CCDC85C: variants seen among roughly 807,000 people sequenced by gnomAD.
CCDC85C encodes coiled-coil domain-containing protein 85C.
CCDC85C carries 18 observed loss-of-function variants against 38.3 expected under a neutral mutation model. The ratio of observed to expected loss-of-function variants is 0.47; its 90% CI spans 0.33 to 0.70. The LOEUF (loss-of-function observed/expected upper bound fraction) is 0.70, where lower values mean the gene tolerates loss of function less well. Among genes scored for constraint, CCDC85C ranks in the 30% least tolerant of loss-of-function variants. The pLI is 0.03. For missense variants in CCDC85C, 566 were observed against 621.2 expected, an observed-to-expected ratio of 0.91 and a Z score of 0.94; for synonymous variants, 264 against 293.8, an observed-to-expected ratio of 0.90 and a Z score of 1.04.
At chr14:99,552,504 C>T (rs1897930365) in intron 1 of CCDC85C, among the ~76,000 whole-genome samples, 1 of 152,216 alleles carries the variant, frequency 6.6e-6, no homozygotes, top group African/African-American at 2.4e-5. Flanking sequence ...TCAGTGTCCC[C>T]TCAGTCCGGT....
chr14:99,573,301 C>T (rs1036256053), intron 1 of CCDC85C, among the ~76,000 whole-genome samples: 2 of 152,204 alleles, frequency 1.3e-5, no homozygotes, highest in African/African-American at 4.8e-5. Context: ...GGAGCCGGCT[C>T]TGCCTGGTGC....
rs1318489158 is a variant in CCDC85C at position 99,504,016 on chromosome 14, G to A, written c.*11230C>T. ...AAGCCACAGCAGATGCGGGGGGGCA[G>A]TAGGGGGTGGTGTGCTGCCCGGACA... On this transcript the variant is annotated 3_prime_UTR_variant, in exon 6 of 6. Transcript: ENST00000380243. 3 of 362,556 alleles carry A rather than the reference G, an allele frequency of 8.3e-6. No homozygotes were observed. The highest frequency in any genetic ancestry group is 1.1e-5 in the Non-Finnish European group (2 of 186,646). 22.5% of individuals were successfully genotyped at this position (362,556 alleles called of 1,614,324 possible).
chr14:99,560,286 AG>A (rs1898092409), intron 1 of CCDC85C, among the ~76,000 whole-genome samples: 1 of 152,158 alleles, frequency 6.6e-6, no homozygotes, highest in Admixed American at 6.5e-5. Context: ...GGTAGGGTGA[AG>A]GGGCAGCCAG....
intron 1 of CCDC85C, among the ~76,000 whole-genome samples, chr14:99,570,606 C>T (rs1898318242): frequency 6.6e-6 from 1 of 152,082 alleles, no homozygotes; most frequent in Non-Finnish European, 1.5e-5. Context: ...GGGATATAAC[C>T]TTCCAGGCCA....
rs950277101 is a variant in CCDC85C, at chr14:99,522,165, G to A, written c.943C>T (p.Leu315=). 5 of 1,551,022 alleles carry A rather than the reference G, an allele frequency of 3.2e-6. No individual in the cohort carries two copies. The African/African-American group carries it at 5.5e-5, about 17-fold the overall frequency. Residue 315 remains leucine (L), a synonymous_variant, in exon 3 of 6, where the codon CTG becomes TTG. Coordinates refer to ENST00000380243, the MANE Select transcript of CCDC85C (RefSeq NM_001144995.2). ...AGGGAGTCCTGGTAGGAGGGCGGCAGGGACGCAAGCTGGGACTCCGAGTGG... is the reference window on the plus strand; with the variant it reads ...AGGGAGTCCTGGTAGGAGGGCGGCAAGGACGCAAGCTGGGACTCCGAGTGG... ...PYHSESQLAS[L]PPSYQDSLQN...
intron 1 of CCDC85C, among the ~76,000 whole-genome samples, chr14:99,559,380 C>A (rs147584590): frequency 1.3e-4 from 20 of 152,262 alleles, no homozygotes; most frequent in Non-Finnish European, 2.6e-4. Context: ...CATAATGTGG[C>A]CATTCGTGGT....
chr14:99,583,669 A>G (rs111562913), intron 1 of CCDC85C, among the ~76,000 whole-genome samples: 10,773 of 151,582 alleles, frequency 0.071, 603 homozygotes, highest in South Asian at 0.15. Context: ...TTAGCCGGGC[A>G]TGGTGACAGA....
At chr14:99,531,473 T>G (rs1252909211) in intron 2 of CCDC85C, among the ~76,000 whole-genome samples, 2 of 151,834 alleles carry the variant, frequency 1.3e-5, no homozygotes, top group Admixed American at 6.6e-5. Flanking sequence ...GATGAAATTT[T>G]AAAGCCAACA....
chr14:99,517,314 G>A (rs71418640), intron 3 of CCDC85C, 131 bp from the exon 4 acceptor site: 4 of 694,646 alleles, frequency 5.8e-6, no homozygotes, highest in African/African-American at 5.4e-5. Context: ...GGGTGAGGCA[G>A]AGGAGGCAGG....
chr14:99,507,459 G>A lies in CCDC85C; in HGVS notation c.*7787C>T, dbSNP rs1897003815. On this transcript the variant is annotated 3_prime_UTR_variant, in exon 6 of 6. Coordinates refer to ENST00000380243, the MANE Select transcript of CCDC85C (RefSeq NM_001144995.2). ...ACACACCTGTAGTCCCAACTACTTA[G>A]GAGTCTGAGATGGGAAGATCATTTG... The A allele has an allele frequency of 3.0e-6, 1 of 332,728 alleles. No individual in the cohort carries two copies. The highest frequency in any genetic ancestry group is 2.1e-5 in the African/African-American group (1 of 47,652). 20.6% of individuals were successfully genotyped at this position (332,728 alleles called of 1,614,324 possible). A position where few individuals can be genotyped will look rare whatever the true frequency, so the allele number is the denominator to read the frequency against.
In CCDC85C at chr14:99,562,306, T is replaced by C. The variant is rs1449004534; in HGVS notation, c.794-26218A>G. Among the ~76,000 whole-genome samples the C allele has an allele frequency of 2.6e-5, 4 of 152,276 alleles. No homozygotes were observed. The East Asian group carries it at 7.7e-4, about 29-fold the overall frequency. On this transcript the variant is annotated intron_variant, in intron 1 of 5. Transcript: ENST00000380243. The stretch of plus-strand genomic sequence containing the variant: ...CCTTGGCTCCTGCCCCTCCCTCCTC[T>C]GGCACCCCTGAGGGCAGTGGCCAGC...
intron 1 of CCDC85C, among the ~76,000 whole-genome samples, chr14:99,599,557 C>A (rs1346687180): frequency 6.6e-6 from 1 of 152,120 alleles, no homozygotes; most frequent in Non-Finnish European, 1.5e-5. Flanking sequence ...AACGCACAGC[C>A]CAGTCCCAAG....
chr14:99,587,697 G>A (rs903293102), intron 1 of CCDC85C, among the ~76,000 whole-genome samples: 1 of 152,192 alleles, frequency 6.6e-6, no homozygotes, highest in African/African-American at 2.4e-5. Context: ...CGCATCTCAG[G>A]AGGCAGGCCG....
At chr14:99,579,200 C>T (rs373770029) in intron 1 of CCDC85C, among the ~76,000 whole-genome samples, 135 of 152,356 alleles carry the variant, frequency 8.9e-4, no homozygotes, top group African/African-American at 3.0e-3. Context: ...CATGAAATGA[C>T]GTCAGGGAAA....
At position 99,511,509 on chromosome 14, in the gene CCDC85C, G is replaced by GAAACT. The variant is rs1220488048; in HGVS notation, c.*3732_*3736dup. 6 of 152,570 alleles carry GAAACT rather than the reference G, an allele frequency of 3.9e-5. No individual in the cohort carries two copies. Among genetic ancestry groups the GAAACT allele is most frequent in the Non-Finnish European group, 8.8e-5 (6 of 68,048 alleles). 9.5% of individuals were successfully genotyped at this position (152,570 alleles called of 1,614,324 possible). On this transcript the variant is annotated 3_prime_UTR_variant, in exon 6 of 6. Coordinates refer to ENST00000380243, the MANE Select transcript of CCDC85C (RefSeq NM_001144995.2). ...CAGTTATCCAAATAAAAGCAGTTCT[G>GAAACT]AAACTATCCCTTTCTTTGTTATGGG...
At position 99,522,184 on chromosome 14, in the gene CCDC85C, C is replaced by A. The variant is rs1490779625; in HGVS notation, c.924G>T (p.Ser308=). 1.3e-6 allele frequency: 2 copies of A among 1,550,842 alleles called. No homozygotes were observed. Among genetic ancestry groups the A allele is most frequent in the East Asian group, 2.4e-5 (1 of 40,924 alleles). The part of the protein sequence containing the change: ...TLRKGFSPYH[S]ESQLASLPPS... Reference sequence around the variant, plus strand: ...GCGGCAGGGACGCAAGCTGGGACTCCGAGTGGTAGGGCGAGAAGCCTTTCC... The same window carrying A: ...GCGGCAGGGACGCAAGCTGGGACTCAGAGTGGTAGGGCGAGAAGCCTTTCC... Residue 308 remains serine, a synonymous_variant, in exon 3 of 6, where the codon TCG becomes TCT. Transcript: ENST00000380243.
rs771243618 is a variant in CCDC85C at position 99,501,338 on chromosome 14, T to C, written c.*13908A>G. Reference sequence around the variant, plus strand: ...TTTTTCTATTGCTATTAATTTACCTTTTTGTCCCCATTTCTAGGTGATAAA... The same window carrying C: ...TTTTTCTATTGCTATTAATTTACCTCTTTGTCCCCATTTCTAGGTGATAAA... On this transcript the variant is annotated 3_prime_UTR_variant, in exon 6 of 6. Coordinates refer to ENST00000380243, the MANE Select transcript of CCDC85C (RefSeq NM_001144995.2). 12 of 1,566,086 alleles carry C rather than the reference T, an allele frequency of 7.7e-6. No homozygotes were observed. In the African/African-American group the frequency reaches 1.2e-4, roughly 16 times the overall value.
At chr14:99,534,434 C>T (rs981496056) in intron 2 of CCDC85C, among the ~76,000 whole-genome samples, 2 of 152,100 alleles carry the variant, frequency 1.3e-5, no homozygotes, top group Admixed American at 6.5e-5. Flanking sequence ...CACTTCTCCA[C>T]AGGAACAATG....
chr14:99,502,658 C>T lies in CCDC85C; in HGVS notation c.*12588G>A. ...GGGGTATCATAACTGATTCTTTATCCAGGTAAAATTTTATTTAAAATACCA... is the reference window on the plus strand; with the variant it reads ...GGGGTATCATAACTGATTCTTTATCTAGGTAAAATTTTATTTAAAATACCA... On this transcript the variant is annotated 3_prime_UTR_variant, in exon 6 of 6. Coordinates refer to ENST00000380243, the MANE Select transcript of CCDC85C (RefSeq NM_001144995.2). The T allele has an allele frequency of 6.7e-7, 1 of 1,495,938 alleles. No homozygotes were observed. The highest frequency in any genetic ancestry group is 9.3e-7 in the Non-Finnish European group (1 of 1,080,774). The allele number at this position is 1,495,938 out of a possible 1,614,324, so 92.7% of individuals were successfully genotyped here.
Sources: allele counts gnomAD v4.1 joint callset (sites outside exome capture counted in the v4.1 genomes callset), GRCh38; gene constraint gnomAD v4.1.1; transcripts MANE v1.5; gene names NCBI Gene and HGNC (gene_info 2026-07-23, HGNC 2026-07-21).